SRRM4: variants seen among roughly 807,000 people sequenced by gnomAD.
The protein encoded by SRRM4 is serine/arginine repetitive matrix 4.
Under a neutral mutation model 68.9 loss-of-function variants are expected in SRRM4, and 33 were observed. The observed-to-expected ratio is 0.48, with a 90% CI of 0.36 to 0.64. SRRM4 has a LOEUF of 0.64. SRRM4 is among the 30% of genes least tolerant of loss of function. SRRM4 has a pLI of 0.00. For synonymous variants in SRRM4, 318 were observed against 318.8 expected (o/e 1.00, Z 0.03); for missense variants, 817 against 827.1 (o/e 0.99, Z 0.15).
At chr12:119,038,849 A>C (rs759029422) in intron 1 of SRRM4, among the ~76,000 whole-genome samples, 1 of 152,052 alleles carries the variant, frequency 6.6e-6, no homozygotes, top group Non-Finnish European at 1.5e-5. Context: ...ATCCTCCCTC[A>C]CTGTTCCTCA....
At chr12:119,093,067 A>T (rs927264066) in intron 1 of SRRM4, among the ~76,000 whole-genome samples, 1 of 152,094 alleles carries the variant, frequency 6.6e-6, no homozygotes, top group African/African-American at 2.4e-5. Flanking sequence ...TCTTTGCTCA[A>T]ATCTCACCTT....
Position 119,029,986 on chromosome 12 carries a change from G to A in SRRM4, c.131+47973G>A, listed in dbSNP as rs537815140. On this transcript the variant is annotated intron_variant, in intron 1 of 12. Transcript: ENST00000267260. ...GCAGCTGTCCCAAGGCATTTCTGGAGTCTGAGAGAGAAAATCCATCAGCCA... is the reference window on the plus strand; with the variant it reads ...GCAGCTGTCCCAAGGCATTTCTGGAATCTGAGAGAGAAAATCCATCAGCCA... Among the ~76,000 whole-genome samples the A allele has an allele frequency of 8.5e-5, 13 of 152,320 alleles. 1 individual carries two copies. The South Asian group carries it at 1.2e-3, about 15-fold the overall frequency.
At chr12:119,052,406 A>C (rs1320264245) in intron 1 of SRRM4, among the ~76,000 whole-genome samples, 4 of 151,134 alleles carry the variant, frequency 2.6e-5, no homozygotes, top group Non-Finnish European at 4.4e-5. Context: ...TCACCTGGGA[A>C]AGAGATGTAT....
At chr12:119,093,344 A>G (rs946102156) in intron 1 of SRRM4, among the ~76,000 whole-genome samples, 3 of 152,142 alleles carry the variant, frequency 2.0e-5, no homozygotes, top group Non-Finnish European at 2.9e-5. Flanking sequence ...CCTTGGAAGC[A>G]CCTCTTGGGA....
chr12:119,119,861 C>A (rs886215999), intron 4 of SRRM4, among the ~76,000 whole-genome samples: 1 of 151,994 alleles, frequency 6.6e-6, no homozygotes, highest in Admixed American at 6.5e-5. Context: ...CCTTATCCAG[C>A]CTCATCCAGG....
intron 1 of SRRM4, among the ~76,000 whole-genome samples, chr12:119,034,835 A>C (rs1953615917): frequency 6.6e-6 from 1 of 152,054 alleles, no homozygotes; most frequent in Admixed American, 6.5e-5. Flanking sequence ...TTTATTCCTA[A>C]TCATTTTTTT....
intron 1 of SRRM4, among the ~76,000 whole-genome samples, chr12:119,081,595 T>C (rs2136031752): frequency 6.6e-6 from 1 of 152,310 alleles, no homozygotes; most frequent in Admixed American, 6.5e-5. Flanking sequence ...ATCAGAGGGC[T>C]TTGACTGGAG....
rs1219953973 is a variant in SRRM4, at chr12:119,091,302, T to G, written c.132-10934T>G. Among the ~76,000 whole-genome samples the G allele has an allele frequency of 3.3e-5, 5 of 152,172 alleles. No individual in the cohort carries two copies. In the East Asian group the frequency reaches 9.6e-4, roughly 29 times the overall value. On this transcript the variant is annotated intron_variant, in intron 1 of 12. Coordinates refer to ENST00000267260, the MANE Select transcript of SRRM4 (RefSeq NM_194286.4). ...GCAGGAATTGGGTTTCTGTAGCATT[T>G]CTAGGTTCCAGGATCATTTCTAGGT...
At chr12:119,095,599 G>C (rs574667103) in intron 1 of SRRM4, among the ~76,000 whole-genome samples, 4 of 152,214 alleles carry the variant, frequency 2.6e-5, no homozygotes, top group African/African-American at 9.6e-5. Context: ...TTTGTGGAAT[G>C]GAGGCAATAA....
At position 119,121,287 on chromosome 12, in the gene SRRM4, G is replaced by C. The variant is rs1471197915; in HGVS notation, c.465-783G>C. Among the ~76,000 whole-genome samples the C allele has an allele frequency of 3.9e-5, 6 of 152,064 alleles. No homozygotes were observed. The East Asian group carries it at 9.6e-4, about 24-fold the overall frequency. On this transcript the variant is annotated intron_variant, in intron 5 of 12. Coordinates refer to ENST00000267260, the MANE Select transcript of SRRM4 (RefSeq NM_194286.4). ...AAAATTGCCCCTTCCCAGGTCCTAG[G>C]CCAGTAATAGGTTCTTGGTGACCCT...
intron 1 of SRRM4, among the ~76,000 whole-genome samples, chr12:119,055,545 C>T (rs1158929205): frequency 2.0e-5 from 3 of 152,080 alleles, no homozygotes; most frequent in African/African-American, 2.4e-5. Flanking sequence ...ACTGAAATGC[C>T]GCACATTTGG....
chr12:118,986,763 C>A (rs2135987446), intron 1 of SRRM4, among the ~76,000 whole-genome samples: 1 of 152,180 alleles, frequency 6.6e-6, no homozygotes, highest in African/African-American at 2.4e-5. Flanking sequence ...GTCTCCATTA[C>A]CTCCACCACT....
At chr12:119,002,275 C>T (rs1337331596) in intron 1 of SRRM4, among the ~76,000 whole-genome samples, 1 of 152,012 alleles carries the variant, frequency 6.6e-6, no homozygotes, top group Non-Finnish European at 1.5e-5. Context: ...GAGGAGTTAC[C>T]TGCTCTGACG....
Position 119,102,347 on chromosome 12 carries a change from G to C in SRRM4, c.243G>C (p.Lys81Asn), listed in dbSNP as rs1466991244. 6 of 1,613,250 alleles carry C rather than the reference G, an allele frequency of 3.7e-6. No homozygotes were observed. The highest frequency in any genetic ancestry group is 5.1e-6 in the Non-Finnish European group (6 of 1,179,598). The change falls in exon 2 of 13, where the codon AAG becomes AAC. Residue 81 changes from lysine (K) to asparagine (N), a missense_variant. Transcript: ENST00000267260. Reference protein sequence around the residue: ...PLGTNSWERDKTCRELGATRG... With the variant: ...PLGTNSWERDNTCRELGATRG... ...GCACCAACAGTTGGGAGAGAGACAAGACCTGTCGGGAACTGGGTGCCACCA... is the reference window on the plus strand; with the variant it reads ...GCACCAACAGTTGGGAGAGAGACAACACCTGTCGGGAACTGGGTGCCACCA...
intron 1 of SRRM4, among the ~76,000 whole-genome samples, chr12:119,074,878 C>A (rs1427309118): frequency 6.6e-6 from 1 of 152,200 alleles, no homozygotes; most frequent in Non-Finnish European, 1.5e-5. Flanking sequence ...AAGTTGCAGT[C>A]CTTGCCCTCA....
chr12:119,125,396 C>T lies in SRRM4; in HGVS notation c.531C>T (p.Pro177=). The T allele has an allele frequency of 6.2e-7, 1 of 1,613,224 alleles. No individual in the cohort carries two copies. Among genetic ancestry groups the T allele is most frequent in the South Asian group, 1.1e-5 (1 of 90,954 alleles). ...KRHKKQSRSR[P]RKSHRHRHHR... is the part of the protein sequence containing the mutation. ...TCCCCCCAAGATCTCGAAGCCGGCCCCGAAAGTCTCACCGCCACCGCCATC... is the reference window on the plus strand; with the variant it reads ...TCCCCCCAAGATCTCGAAGCCGGCCTCGAAAGTCTCACCGCCACCGCCATC... The change falls in exon 7 of 13, where the codon CCC becomes CCT. Residue 177 remains proline, a synonymous_variant. Transcript: ENST00000267260.
At chr12:119,095,269 A>G (rs1012590245) in intron 1 of SRRM4, among the ~76,000 whole-genome samples, 1 of 152,238 alleles carries the variant, frequency 6.6e-6, no homozygotes, top group Non-Finnish European at 1.5e-5. Flanking sequence ...GGTCAGCCCC[A>G]TGATAACTCT....
At chr12:119,103,752 C>T (rs781295221) in intron 2 of SRRM4, among the ~76,000 whole-genome samples, 6 of 152,178 alleles carry the variant, frequency 3.9e-5, no homozygotes, top group Admixed American at 2.0e-4. Flanking sequence ...CCTGTAATCC[C>T]AACACTTTGG....
rs926307126 is a variant in SRRM4 at position 119,154,952 on chromosome 12, T to G, written c.1532+569T>G. ...TGGATAAGCCGGAGAGCACTGGATGTGGATTGGAATCCTGAATGTACCACT... is the reference window on the plus strand; with the variant it reads ...TGGATAAGCCGGAGAGCACTGGATGGGGATTGGAATCCTGAATGTACCACT... On this transcript the variant is annotated intron_variant, in intron 12 of 12. Transcript: ENST00000267260. This position sits in a 1 kb window ranked among gnomAD's most constrained non-coding sequence, Gnocchi z 4.7. 1.6e-4 allele frequency among the ~76,000 whole-genome samples: 24 copies of G among 152,186 alleles called. No individual in the cohort carries two copies. Among genetic ancestry groups the G allele is most frequent in the African/African-American group, 3.9e-4 (16 of 41,450 alleles).
Sources: allele counts gnomAD v4.1 joint callset (sites outside exome capture counted in the v4.1 genomes callset), GRCh38; gene constraint gnomAD v4.1.1; non-coding constraint Gnocchi (gnomAD v3.1); transcripts MANE v1.5; gene names NCBI Gene and HGNC (gene_info 2026-07-23, HGNC 2026-07-21).